Variants in ERC2 observed in about 807,000 individuals in gnomAD.
ERC2 encodes ELKS/RAB6-interacting/CAST family member 2.
A neutral mutation model predicts 114.8 loss-of-function variants in ERC2; 42 were observed. The observed-to-expected ratio is 0.37, with a 90% CI of 0.29 to 0.47. The LOEUF (loss-of-function observed/expected upper bound fraction) is 0.47. Among genes scored for constraint, ERC2 ranks in the 20% least tolerant of loss-of-function variants. The probability of loss-of-function intolerance (pLI) is 0.99; values close to 1 mark genes in which losing one functional copy is unlikely to be tolerated. For synonymous variants in ERC2, 454 were observed against 425.5 expected (o/e 1.07, Z -0.82); for missense variants, 939 against 1,150.7 (o/e 0.82, Z 2.66).
At chr3:56,196,941 C>T (rs2048144456) in intron 3 of ERC2, among the ~76,000 whole-genome samples, 2 of 152,078 alleles carry the variant, frequency 1.3e-5, no homozygotes, top group Non-Finnish European at 2.9e-5. Flanking sequence ...CACTCTGAAG[C>T]CTTCAGAGTC....
chr3:55,978,092 A>G lies in ERC2; in HGVS notation c.2267+7885T>C, dbSNP rs1576431118. Among the ~76,000 whole-genome samples, 3 of 152,334 alleles carry G rather than the reference A, an allele frequency of 2.0e-5. No homozygotes were observed. The South Asian group carries it at 6.2e-4, about 32-fold the overall frequency. ...GATACAGAGCAGACATACCATCACTATTTGATGAAAGCAAATAAGTTAACG... is the reference window on the plus strand; with the variant it reads ...GATACAGAGCAGACATACCATCACTGTTTGATGAAAGCAAATAAGTTAACG... On this transcript the variant is annotated intron_variant, in intron 12 of 17. Transcript: ENST00000288221.
At chr3:56,108,054 C>T (rs974881806) in intron 6 of ERC2, among the ~76,000 whole-genome samples, 1 of 152,028 alleles carries the variant, frequency 6.6e-6, no homozygotes, top group Non-Finnish European at 1.5e-5. Context: ...GAGACAACAC[C>T]ATAACAAAAA....
chr3:56,110,700 A>G (rs2078912073), intron 6 of ERC2, among the ~76,000 whole-genome samples: 1 of 152,202 alleles, frequency 6.6e-6, no homozygotes, highest in Non-Finnish European at 1.5e-5. Flanking sequence ...ATTATAAATT[A>G]TTTTTGGAAA....
chr3:55,621,765 C>G (rs1266204187), intron 17 of ERC2, among the ~76,000 whole-genome samples: 7 of 152,078 alleles, frequency 4.6e-5, no homozygotes, highest in Non-Finnish European at 1.0e-4. Context: ...CAGGAGACAG[C>G]TAGGCCAATT....
chr3:55,902,862 C>A (rs1050327835), intron 13 of ERC2, among the ~76,000 whole-genome samples: 1 of 152,186 alleles, frequency 6.6e-6, no homozygotes, highest in African/African-American at 2.4e-5. Context: ...CCCAAGGGAG[C>A]CTGGCGGAGA....
intron 17 of ERC2, among the ~76,000 whole-genome samples, chr3:55,526,898 T>C (rs1362622896): frequency 6.6e-6 from 1 of 152,160 alleles, no homozygotes; most frequent in East Asian, 1.9e-4. Flanking sequence ...GAAGCAGCAA[T>C]GTCATCCTCT....
chr3:55,944,100 T>C (rs2066982266), intron 13 of ERC2, among the ~76,000 whole-genome samples: 1 of 152,232 alleles, frequency 6.6e-6, no homozygotes, highest in South Asian at 2.1e-4. Context: ...GAGATGACTA[T>C]ACCATTCAAG....
At chr3:56,168,730 T>A (rs760967577) in intron 4 of ERC2, among the ~76,000 whole-genome samples, 1 of 152,222 alleles carries the variant, frequency 6.6e-6, no homozygotes, top group African/African-American at 2.4e-5. Flanking sequence ...AATACCAAGA[T>A]ACCTTTTAAG....
At chr3:55,836,812 C>T (rs1410645464) in intron 14 of ERC2, among the ~76,000 whole-genome samples, 3 of 152,170 alleles carry the variant, frequency 2.0e-5, no homozygotes, top group Non-Finnish European at 4.4e-5. Context: ...TGAGAGTGAA[C>T]AGGCAACCTA....
chr3:55,837,085 C>A (rs1167822201), intron 14 of ERC2, among the ~76,000 whole-genome samples: 3 of 152,088 alleles, frequency 2.0e-5, no homozygotes, highest in East Asian at 1.9e-4. Flanking sequence ...GAATGGCAAT[C>A]ATTAAAAAGC....
intron 13 of ERC2, among the ~76,000 whole-genome samples, chr3:55,936,133 C>T (rs940813933): frequency 6.6e-5 from 10 of 152,248 alleles, no homozygotes; most frequent in Admixed American, 4.6e-4. Context: ...CACACTCCTG[C>T]TCTCTCCCGA....
intron 2 of ERC2, among the ~76,000 whole-genome samples, chr3:56,326,922 CT>C (rs1241872848): frequency 2.0e-5 from 3 of 152,214 alleles, no homozygotes; most frequent in Non-Finnish European, 4.4e-5. Context: ...CTGGGGATCC[CT>C]GGCCCATCAA....
chr3:55,722,252 T>A (rs2064612346), intron 15 of ERC2, among the ~76,000 whole-genome samples: 1 of 151,742 alleles, frequency 6.6e-6, no homozygotes, highest in African/African-American at 2.4e-5. Context: ...AAAATAATAA[T>A]GTCATCTAAA....
At chr3:56,198,994 G>A (rs1452206) in intron 3 of ERC2, among the ~76,000 whole-genome samples, 6,644 of 152,250 alleles carry the variant, frequency 0.044, 204 homozygotes, top group African/African-American at 0.082. Flanking sequence ...TTATGGCTCA[G>A]TTTCTTTATT....
intron 1 of ERC2, among the ~76,000 whole-genome samples, chr3:56,466,616 A>T (rs1052110711): frequency 9.9e-5 from 15 of 152,206 alleles, no homozygotes; most frequent in African/African-American, 3.6e-4. Flanking sequence ...CCACCACCGA[A>T]CTGACATTCT....
intron 1 of ERC2, among the ~76,000 whole-genome samples, chr3:56,467,459 C>A (rs959098960): frequency 6.6e-6 from 1 of 152,160 alleles, no homozygotes; most frequent in Non-Finnish European, 1.5e-5. Context: ...TAAGGCAGGG[C>A]CGAACGGAGA....
intron 17 of ERC2, among the ~76,000 whole-genome samples, chr3:55,584,483 G>A (rs2057492710): frequency 6.6e-6 from 1 of 152,014 alleles, no homozygotes; most frequent in Non-Finnish European, 1.5e-5. Flanking sequence ...CAGAGGAAAG[G>A]CAGTTTCCCT....
At chr3:56,230,245 A>G (rs2050532902) in intron 3 of ERC2, among the ~76,000 whole-genome samples, 1 of 152,180 alleles carries the variant, frequency 6.6e-6, no homozygotes. Context: ...CTGATGATAA[A>G]TAGAAAATGA....
chr3:55,961,848 C>G (rs900392948), intron 12 of ERC2, among the ~76,000 whole-genome samples: 1 of 85,216 alleles, frequency 1.2e-5, no homozygotes, highest in Non-Finnish European at 2.3e-5. Context: ...GAAATGATAC[C>G]CAGTCAAAAA....
Sources: gnomAD v4.1 joint callset for allele counts (sites outside exome capture counted in the v4.1 genomes callset) on GRCh38, gnomAD v4.1.1 for gene constraint, MANE v1.5 for transcripts, NCBI Gene and HGNC (gene_info 2026-07-23, HGNC 2026-07-21) for gene names.